Variants in SLC10A7 observed in about 807,000 individuals in gnomAD.
The protein encoded by SLC10A7 is sodium/bile acid cotransporter 7.
A neutral mutation model predicts 43.2 loss-of-function variants in SLC10A7; 29 were observed. The ratio of observed to expected loss-of-function variants is 0.67; its 90% CI spans 0.50 to 0.92. The LOEUF is 0.92. SLC10A7 is among the 40% of genes least tolerant of loss of function. The probability of loss-of-function intolerance (pLI) is 0.00; values close to 1 mark genes in which losing one functional copy is unlikely to be tolerated. For missense variants in SLC10A7, 295 were observed against 403.2 expected, an observed-to-expected ratio of 0.73 and a Z score of 2.30; for synonymous variants, 152 against 144.8, an observed-to-expected ratio of 1.05 and a Z score of -0.35.
chr4:146,490,636 T>A (rs923932171), intron 4 of SLC10A7, among the ~76,000 whole-genome samples: 6 of 152,156 alleles, frequency 3.9e-5, no homozygotes, highest in Non-Finnish European at 5.9e-5. Context: ...ATTTGAAGAA[T>A]CGGTAAATGA....
intron 5 of SLC10A7, among the ~76,000 whole-genome samples, chr4:146,378,962 A>G (rs1251103449): frequency 6.6e-6 from 1 of 152,076 alleles, no homozygotes; most frequent in African/African-American, 2.4e-5. Context: ...CTGAGCCCCC[A>G]TAATATACCC....
chr4:146,304,703 G>T (rs998631831), intron 7 of SLC10A7, among the ~76,000 whole-genome samples: 1 of 152,054 alleles, frequency 6.6e-6, no homozygotes, highest in African/African-American at 2.4e-5. Context: ...GTGTGGTGTG[G>T]TGCTGAAAAA....
At chr4:146,398,203 G>T (rs1216574154) in intron 5 of SLC10A7, among the ~76,000 whole-genome samples, 2 of 152,126 alleles carry the variant, frequency 1.3e-5, no homozygotes, top group African/African-American at 4.8e-5. Context: ...ACATGAGTCA[G>T]TATCCTACAA....
intron 4 of SLC10A7, among the ~76,000 whole-genome samples, chr4:146,485,411 G>A (rs1468417965): frequency 6.6e-6 from 1 of 152,134 alleles, no homozygotes; most frequent in Non-Finnish European, 1.5e-5. Flanking sequence ...CTTTGGAATG[G>A]ACCTTGTGGT....
In SLC10A7 at chr4:146,521,702, T is replaced by C. The variant is rs1435034083; in HGVS notation, c.16A>G (p.Arg6Gly). The C allele has an allele frequency of 6.2e-7, 1 of 1,614,144 alleles. No homozygotes were observed. Among genetic ancestry groups the C allele is most frequent in the Admixed American group, 1.7e-5 (1 of 60,002 alleles). MRLLE[R>G]MRKDWFMVGI... ...ACCATGAACCAGTCTTTCCTCATTC[T>C]CTCCAGCAGCCTCATATTTGTTAGG... Residue 6 changes from arginine (R) to glycine (G), a missense_variant, in exon 1 of 12, where the codon AGA becomes GGA. Physicochemically the swap from Arg to Gly is moderately radical, Grantham distance 125. Around this residue, in one of 2 missense-constraint regions of SLC10A7, gnomAD observed 53 missense variants for 40.7 expected, o/e 1.30. Coordinates refer to ENST00000335472, the MANE Select transcript of SLC10A7 (RefSeq NM_001029998.6).
intron 5 of SLC10A7, among the ~76,000 whole-genome samples, chr4:146,332,115 T>C (rs984025134): frequency 6.6e-6 from 1 of 152,196 alleles, no homozygotes; most frequent in African/African-American, 2.4e-5. Context: ...CCTCTGACTA[T>C]ACTTTCCCCT....
intron 4 of SLC10A7, among the ~76,000 whole-genome samples, chr4:146,501,609 C>T (rs1414765845): frequency 6.6e-6 from 1 of 152,208 alleles, no homozygotes; most frequent in African/African-American, 2.4e-5. Flanking sequence ...AATCTGGCAT[C>T]TTTAGGGATG....
At chr4:146,519,113 A>AT (rs1491554654) in intron 1 of SLC10A7, among the ~76,000 whole-genome samples, 21 of 99,538 alleles carry the variant, frequency 2.1e-4, no homozygotes, top group African/African-American at 3.2e-4. Flanking sequence ...ATATATATAT[A>AT]ATATAATATA....
In SLC10A7 at chr4:146,451,032, C is replaced by A. The variant is rs112851125; in HGVS notation, c.397-8211G>T. 8.7e-3 allele frequency among the ~76,000 whole-genome samples: 1,310 copies of A among 150,274 alleles called. 18 individuals carry two copies. Among genetic ancestry groups the A allele is most frequent in the African/African-American group, 0.03 (1,238 of 40,992 alleles). ...ACAATATACTAAAGAAAAAAAAAACCAGACAGATTAAAGATCTAGATGTGG... is the reference window on the plus strand; with the variant it reads ...ACAATATACTAAAGAAAAAAAAAACAAGACAGATTAAAGATCTAGATGTGG... On this transcript the variant is annotated intron_variant, in intron 4 of 11. Coordinates refer to ENST00000335472, the MANE Select transcript of SLC10A7 (RefSeq NM_001029998.6).
At position 146,503,897 on chromosome 4, in the gene SLC10A7, C is replaced by T. The variant is rs766593741; in HGVS notation, c.348G>A (p.Pro116=). 20 of 1,613,926 alleles carry T rather than the reference C, an allele frequency of 1.2e-5. No homozygotes were observed. Among genetic ancestry groups the T allele is most frequent in the African/African-American group, 5.3e-5 (4 of 74,896 alleles). ...TTAAAATCACTGCAGAAGACACAGG[C>T]GGAGGCATGCAACCTACTGTCTGCA... The part of the protein sequence containing the change: ...KGLQTVGCMP[P]PVSSAVILTK... The change falls in exon 4 of 12, where the codon CCG becomes CCA. Residue 116 remains proline (P), a synonymous_variant. Coordinates refer to ENST00000335472, the MANE Select transcript of SLC10A7 (RefSeq NM_001029998.6).
chr4:146,274,417 T>C (rs1186812739), intron 10 of SLC10A7, among the ~76,000 whole-genome samples: 1 of 152,086 alleles, frequency 6.6e-6, no homozygotes, highest in African/African-American at 2.4e-5. Flanking sequence ...TTGGCCAGGA[T>C]GGTCTCAATC....
intron 5 of SLC10A7, among the ~76,000 whole-genome samples, chr4:146,349,193 T>C (rs963058113): frequency 4.6e-5 from 7 of 152,082 alleles, no homozygotes; most frequent in African/African-American, 1.7e-4. Flanking sequence ...TTGTTACTAC[T>C]ATAGTCCATT....
intron 4 of SLC10A7, among the ~76,000 whole-genome samples, chr4:146,466,282 A>G (rs1355446070): frequency 1.3e-5 from 2 of 152,220 alleles, no homozygotes; most frequent in African/African-American, 4.8e-5. Context: ...AACGTATAGT[A>G]CTGAAGACTT....
At chr4:146,429,550 T>A (rs1248506609) in intron 5 of SLC10A7, among the ~76,000 whole-genome samples, 1 of 151,888 alleles carries the variant, frequency 6.6e-6, no homozygotes. Flanking sequence ...AAATGACAAA[T>A]TATATACTAT....
chr4:146,441,596 T>C, intron 5 of SLC10A7: 6 of 778,996 alleles, frequency 7.7e-6, no homozygotes, highest in Non-Finnish European at 9.3e-6. Context: ...ACGTATAGAA[T>C]AATACTTGGA....
intron 5 of SLC10A7, among the ~76,000 whole-genome samples, chr4:146,395,132 G>A (rs1260841362): frequency 6.6e-6 from 1 of 152,116 alleles, no homozygotes; most frequent in Non-Finnish European, 1.5e-5. Context: ...ACCTTTGGAG[G>A]TGGAGGCTGG....
chr4:146,520,714 A>G (rs907537011), intron 1 of SLC10A7, among the ~76,000 whole-genome samples: 1 of 152,324 alleles, frequency 6.6e-6, no homozygotes, highest in Non-Finnish European at 1.5e-5. Context: ...CTCCGGTTGC[A>G]TGAGTTAGGT....
At chr4:146,399,991 C>G (rs2679137) in intron 5 of SLC10A7, among the ~76,000 whole-genome samples, 1 of 151,974 alleles carries the variant, frequency 6.6e-6, no homozygotes, top group Non-Finnish European at 1.5e-5. Context: ...TGGGAAGATA[C>G]TGTAGACAGA....
chr4:146,474,341 AT>A (rs1446285605), intron 4 of SLC10A7, among the ~76,000 whole-genome samples: 1 of 152,134 alleles, frequency 6.6e-6, no homozygotes, highest in East Asian at 1.9e-4. Context: ...GGGACTCTTT[AT>A]TCTTCAAGAA....
Sources: gnomAD v4.1 joint callset for allele counts (sites outside exome capture counted in the v4.1 genomes callset) on GRCh38, gnomAD v4.1.1 for gene constraint, gnomAD v4.1.1 regional missense constraint, MANE v1.5 for transcripts, NCBI Gene and HGNC (gene_info 2026-07-23, HGNC 2026-07-21) for gene names.